Variants in LYRM9 observed in about 807,000 individuals in gnomAD.
LYRM9 encodes the protein LYR motif containing 9.
Under a neutral mutation model 12.6 loss-of-function variants are expected in LYRM9, and 14 were observed. That is an observed-to-expected ratio of 1.11 (90% CI 0.73 to 1.73). The LOEUF is 1.73. Ranked by LOEUF, LYRM9 falls within the 40% of genes most tolerant of loss-of-function variation. The pLI is 0.00. For missense variants in LYRM9, 94 were observed against 95.0 expected, an observed-to-expected ratio of 0.99 and a Z score of 0.04; for synonymous variants, 42 against 35.1, an observed-to-expected ratio of 1.20 and a Z score of -0.69.
At chr17:27,884,460 A>G (rs1249293678) in intron 1 of LYRM9, among the ~76,000 whole-genome samples, 1 of 152,232 alleles carries the variant, frequency 6.6e-6, no homozygotes, top group Non-Finnish European at 1.5e-5. Context: ...CTTTCAGTGC[A>G]CATGCAGCTC....
intron 3 of LYRM9, chr17:27,879,851 C>T (rs1282898954): frequency 3.5e-6 from 2 of 568,324 alleles, no homozygotes; most frequent in Non-Finnish European, 6.2e-6. Context: ...CTCCCTTCCT[C>T]CACCAAAACA....
intron 1 of LYRM9, among the ~76,000 whole-genome samples, chr17:27,891,368 T>G (rs1423895217): frequency 6.6e-6 from 1 of 152,256 alleles, no homozygotes; most frequent in African/African-American, 2.4e-5. Flanking sequence ...TCTCGAAGTC[T>G]GTTCCCCATC....
At chr17:27,887,167 G>C (rs944673194) in intron 1 of LYRM9, among the ~76,000 whole-genome samples, 2 of 151,880 alleles carry the variant, frequency 1.3e-5, no homozygotes, top group African/African-American at 2.4e-5. Flanking sequence ...AAAGTGTCCT[G>C]TCCTTCCTAA....
rs566283567 is a variant in LYRM9, at chr17:27,887,031, C to T, written c.-18-4319G>A. Among the ~76,000 whole-genome samples, 4 of 152,238 alleles carry T rather than the reference C, an allele frequency of 2.6e-5. No homozygotes were observed. The South Asian group carries it at 6.2e-4, about 24-fold the overall frequency. ...CCTTCCTCTCTACTCCACTGCATAC[C>T]CTTGGTTCAGACTCTCTCTGAGACA... On this transcript the variant is annotated intron_variant, in intron 1 of 3. Transcript: ENST00000379102.
intron 1 of LYRM9, among the ~76,000 whole-genome samples, chr17:27,884,971 G>A (rs913104828): frequency 3.3e-5 from 5 of 152,050 alleles, no homozygotes; most frequent in African/African-American, 9.7e-5. Context: ...TTATCTCCTC[G>A]GCAACAATAA....
chr17:27,888,277 G>T (rs1905301319), intron 1 of LYRM9, among the ~76,000 whole-genome samples: 1 of 152,150 alleles, frequency 6.6e-6, no homozygotes, highest in Non-Finnish European at 1.5e-5. Context: ...TGCTCAGTGG[G>T]AGGCCTGTGG....
intron 1 of LYRM9, among the ~76,000 whole-genome samples, chr17:27,883,835 T>TAAA (rs781375467): frequency 0.14 from 3,523 of 24,646 alleles, 1,139 homozygotes; most frequent in Non-Finnish European, 0.18. Context: ...AGCCTTTTTC[T>TAAA]AAAAAAAAAA....
chr17:27,880,542 G>T, intron 2 of LYRM9, 176 bp from the exon 3 acceptor site: 1 of 604,348 alleles, frequency 1.7e-6, no homozygotes, highest in Non-Finnish European at 2.9e-6. Context: ...AGGCTCACTT[G>T]CTGCTGAACA....
intron 2 of LYRM9, chr17:27,880,907 T>C (rs1199483103): frequency 6.5e-6 from 1 of 153,088 alleles, no homozygotes; most frequent in Non-Finnish European, 1.5e-5. Context: ...CAGATATTCA[T>C]CCTTGAGAAG....
chr17:27,887,486 C>T (rs991111895), intron 1 of LYRM9, among the ~76,000 whole-genome samples: 9 of 152,192 alleles, frequency 5.9e-5, no homozygotes, highest in African/African-American at 2.2e-4. Flanking sequence ...AGGCTCCTGT[C>T]CATGGCCTGC....
At chr17:27,882,162 TTG>T (rs1160279584) in intron 2 of LYRM9, among the ~76,000 whole-genome samples, 1 of 152,206 alleles carries the variant, frequency 6.6e-6, no homozygotes, top group Non-Finnish European at 1.5e-5. Flanking sequence ...AATGTCAGCG[TTG>T]TGTTTCACGA....
At chr17:27,881,899 C>G (rs540795554) in intron 2 of LYRM9, among the ~76,000 whole-genome samples, 2 of 152,064 alleles carry the variant, frequency 1.3e-5, no homozygotes, top group African/African-American at 4.8e-5. Context: ...CCTCGACCTC[C>G]GGGCTCAAGC....
At chr17:27,879,703 G>A in intron 3 of LYRM9, 1 of 567,466 alleles carries the variant, frequency 1.8e-6, no homozygotes, top group Non-Finnish European at 3.1e-6. Flanking sequence ...AGCTGACAGG[G>A]CTGGGGAGGG....
chr17:27,886,942 G>A lies in LYRM9; in HGVS notation c.-18-4230C>T, dbSNP rs1468244281. ...ATTACAGGCGTGAGCCACCACACCC[G>A]GCCCCATGCCACTGGTTTCTAATTC... On this transcript the variant is annotated intron_variant, in intron 1 of 3. Transcript: ENST00000379102. This position sits in a 1 kb window ranked among gnomAD's most constrained non-coding sequence, Gnocchi z 4.8. Among the ~76,000 whole-genome samples the A allele has an allele frequency of 2.0e-5, 3 of 150,008 alleles. No homozygotes were observed. The highest frequency in any genetic ancestry group is 7.4e-5 in the African/African-American group (3 of 40,712).
chr17:27,887,713 G>T, intron 1 of LYRM9, among the ~76,000 whole-genome samples: 1 of 86,830 alleles, frequency 1.2e-5, no homozygotes, highest in East Asian at 3.4e-4. Context: ...TAGGAGGGAG[G>T]GTGTGTGTGT....
In LYRM9 at chr17:27,879,167, T is replaced by A; in HGVS notation, c.*306A>T. ...GAGAATGATAAAGAGATCTCCAGAA[T>A]AAATGAATCACTTTCAGAGAAAAGT... On this transcript the variant is annotated 3_prime_UTR_variant, in exon 4 of 4. Coordinates refer to ENST00000379102, the MANE Select transcript of LYRM9 (RefSeq NM_001076680.3). 1 of 318,562 alleles carries A rather than the reference T, an allele frequency of 3.1e-6. No individual in the cohort carries two copies. Among genetic ancestry groups the A allele is most frequent in the Admixed American group, 5.0e-5 (1 of 20,102 alleles). The allele number at this position is 318,562 out of a possible 1,614,324, so 19.7% of individuals were successfully genotyped here. A position where few individuals can be genotyped will look rare whatever the true frequency, so the allele number is the denominator to read the frequency against.
chr17:27,889,132 A>G (rs1432174983), intron 1 of LYRM9, among the ~76,000 whole-genome samples: 1 of 152,012 alleles, frequency 6.6e-6, no homozygotes, highest in Non-Finnish European at 1.5e-5. Context: ...CTGCTGTCCC[A>G]TGGGAAAACA....
rs11319281 is a variant in LYRM9 at position 27,886,653 on chromosome 17, AT to A, written c.-18-3942del. Among the ~76,000 whole-genome samples, 108,888 of 141,434 alleles carry A rather than the reference AT, an allele frequency of 0.77. 41,881 individuals are homozygous for A. Among genetic ancestry groups the A allele is most frequent in the African/African-American group, 0.86 (33,283 of 38,484 alleles). The allele number at this position is 141,434 out of a possible 152,430, so 92.8% of individuals were successfully genotyped here. ...TTTCTTTCTTTTCTTTTCTTTTTTT[AT>A]TTTTTTTTTTTTGAGACAGAGTTTC... On this transcript the variant is annotated intron_variant, in intron 1 of 3. Coordinates refer to ENST00000379102, the MANE Select transcript of LYRM9 (RefSeq NM_001076680.3). This position sits in a 1 kb window ranked among gnomAD's most constrained non-coding sequence, Gnocchi z 4.8.
At chr17:27,879,948 C>A in intron 3 of LYRM9, 1 of 612,602 alleles carries the variant, frequency 1.6e-6, no homozygotes, top group East Asian at 2.8e-5. Flanking sequence ...TCCCTCTCTG[C>A]GGCATCACAG....
Sources: allele counts gnomAD v4.1 joint callset (sites outside exome capture counted in the v4.1 genomes callset), GRCh38; gene constraint gnomAD v4.1.1; non-coding constraint Gnocchi (gnomAD v3.1); transcripts MANE v1.5; gene names NCBI Gene and HGNC (gene_info 2026-07-23, HGNC 2026-07-21).